The following NPIPB11 variants were observed in gnomAD, a reference collection of about 807,000 sequenced individuals.
NPIPB11 encodes nuclear pore complex interacting protein family member B11.
A neutral mutation model predicts 32.8 loss-of-function variants in NPIPB11; 17 were observed. The observed-to-expected ratio is 0.52, with a 90% CI of 0.35 to 0.78. NPIPB11 has a LOEUF of 0.78. NPIPB11 is among the 30% of genes least tolerant of loss of function. NPIPB11 has a pLI of 0.01. For synonymous variants in NPIPB11, 209 were observed against 398.4 expected, an observed-to-expected ratio of 0.52 and a Z score of 5.66; for missense variants, 537 against 1,000.4, an observed-to-expected ratio of 0.54 and a Z score of 6.25.
exon 8 of NPIPB11, chr16:29,383,556 T>A (rs1963551253): frequency 6.7e-7 from 1 of 1,490,526 alleles, no homozygotes. Context: ...CCGCAGACGC[T>A]CGGCAGGTGT....
chr16:29,391,325 ACGGTTAGATGGTAATTATCAT>A (rs1446080271), intron 3 of NPIPB11, among the ~76,000 whole-genome samples: 1 of 147,944 alleles, frequency 6.8e-6, no homozygotes, highest in Non-Finnish European at 1.5e-5. Flanking sequence ...ACACTTCAAC[ACGGTTAGATGGTAATTATCAT>A]CTTATAAGTA....
At chr16:29,394,806 T>C (rs1444878339) in intron 2 of NPIPB11, among the ~76,000 whole-genome samples, 22 of 150,908 alleles carry the variant, frequency 1.5e-4, no homozygotes, top group East Asian at 7.9e-4. Context: ...AGTGCAGTGG[T>C]GTGCTCTCGG....
intron 2 of NPIPB11, among the ~76,000 whole-genome samples, chr16:29,397,040 C>A (rs1343077582): frequency 7.3e-5 from 11 of 151,416 alleles, no homozygotes; most frequent in Non-Finnish European, 1.6e-4. Context: ...AAAAATTAGC[C>A]AGGCGTTGTA....
chr16:29,389,904 G>T (rs1257842123), intron 5 of NPIPB11, 37 bp downstream of exon 5: 9 of 1,581,298 alleles, frequency 5.7e-6, no homozygotes, highest in African/African-American at 2.7e-5. Context: ...TTGGCACATG[G>T]TTCCTACAAC....
At chr16:29,401,295 C>G (rs917515002) in intron 2 of NPIPB11, among the ~76,000 whole-genome samples, 2 of 152,144 alleles carry the variant, frequency 1.3e-5, no homozygotes, top group Non-Finnish European at 2.9e-5. Context: ...TCCAGATCAA[C>G]TCTCTCAATG....
At chr16:29,401,371 C>G (rs993340816) in intron 2 of NPIPB11, among the ~76,000 whole-genome samples, 7 of 152,144 alleles carry the variant, frequency 4.6e-5, no homozygotes, top group Middle Eastern at 3.2e-3. Flanking sequence ...CTCAATGTCA[C>G]TCAGTTGATT....
intron 2 of NPIPB11, among the ~76,000 whole-genome samples, chr16:29,401,295 C>T (rs917515002): frequency 2.6e-5 from 4 of 152,144 alleles, no homozygotes; most frequent in African/African-American, 9.7e-5. Flanking sequence ...TCCAGATCAA[C>T]TCTCTCAATG....
chr16:29,402,417 AT>A (rs375466516), intron 2 of NPIPB11, among the ~76,000 whole-genome samples: 9,369 of 111,544 alleles, frequency 0.084, 435 homozygotes, highest in East Asian at 0.27. Flanking sequence ...AAATAATTTT[AT>A]CTTGGACCGG....
intron 5 of NPIPB11, among the ~76,000 whole-genome samples, chr16:29,389,028 C>G (rs1260501161): frequency 6.7e-6 from 1 of 150,146 alleles, no homozygotes; most frequent in Non-Finnish European, 1.5e-5. Flanking sequence ...AACCCCGCCT[C>G]TACTAAAAAT....
intron 3 of NPIPB11, among the ~76,000 whole-genome samples, 165 bp downstream of exon 3, chr16:29,393,783 G>A (rs983458799): frequency 5.9e-5 from 9 of 152,098 alleles, no homozygotes; most frequent in East Asian, 5.8e-4. Flanking sequence ...TTTTCATAAC[G>A]CAAATGGCAG....
At position 29,391,622 on chromosome 16, in the gene NPIPB11, C is replaced by T. The variant is rs544857627; in HGVS notation, c.250-1274G>A. Among the ~76,000 whole-genome samples the T allele has an allele frequency of 3.1e-4, 47 of 152,116 alleles. 1 individual carries two copies. The South Asian group carries it at 9.1e-3, about 30-fold the overall frequency. On this transcript the variant is annotated intron_variant, in intron 3 of 7. Transcript: ENST00000524087. ...CATATTATCACAGTATGCTTTTAAT[C>T]TTCTAAGACATTAAATATTTCTTCT...
chr16:29,401,259 G>T (rs968741840), intron 2 of NPIPB11, among the ~76,000 whole-genome samples: 2 of 152,060 alleles, frequency 1.3e-5, no homozygotes, highest in African/African-American at 2.4e-5. Flanking sequence ...GAACTAAAAT[G>T]TTGGAATTTT....
chr16:29,399,942 TG>T (rs893536685), intron 2 of NPIPB11, among the ~76,000 whole-genome samples: 1 of 150,838 alleles, frequency 6.6e-6, no homozygotes, highest in Admixed American at 6.6e-5. Context: ...CCAGGCACGG[TG>T]GCACCCGCCT....
At chr16:29,400,265 A>C (rs1452990183) in intron 2 of NPIPB11, among the ~76,000 whole-genome samples, 1 of 149,858 alleles carries the variant, frequency 6.7e-6, no homozygotes, top group Non-Finnish European at 1.5e-5. Flanking sequence ...ATGTGAGCAG[A>C]GTTTGGGGTC....
At position 29,389,935 on chromosome 16, in the gene NPIPB11, T is replaced by A. The variant is rs755121321; in HGVS notation, c.545+6A>T. 1 of 1,590,486 alleles carries A rather than the reference T, an allele frequency of 6.3e-7. No individual in the cohort carries two copies. The highest frequency in any genetic ancestry group is 1.4e-5 in the African/African-American group (1 of 74,054). The stretch of plus-strand genomic sequence containing the variant: ...ACAACAGTATTTGTGTCAAGGCACA[T>A]CTTACTGTTTTCTGGCGGTCTTCCT... On this transcript the variant is annotated splice_donor_region_variant and intron_variant, in intron 5 of 7. Coordinates refer to ENST00000524087, the Ensembl canonical transcript of NPIPB11.
chr16:29,397,577 C>T (rs562318580), intron 2 of NPIPB11: 4 of 1,521,612 alleles, frequency 2.6e-6, no homozygotes, highest in African/African-American at 2.8e-5. Flanking sequence ...CACGGATGCA[C>T]TGATGGCTGA....
intron 3 of NPIPB11, among the ~76,000 whole-genome samples, 158 bp from the exon 4 acceptor site, chr16:29,390,506 A>G (rs567707750): frequency 6.6e-6 from 1 of 151,960 alleles, no homozygotes; most frequent in East Asian, 1.9e-4. Context: ...TACAAAAATT[A>G]GCCGGGCATG....
chr16:29,392,406 G>C (rs1192761837), intron 3 of NPIPB11, among the ~76,000 whole-genome samples: 1 of 150,448 alleles, frequency 6.6e-6, no homozygotes, highest in East Asian at 2.0e-4. Context: ...TTGTTAAAAA[G>C]TGGTAAATTT....
chr16:29,394,098 T>G (rs1470731419), intron 2 of NPIPB11, 22 bp from the exon 3 acceptor site: 1 of 1,593,572 alleles, frequency 6.3e-7, no homozygotes, highest in East Asian at 2.2e-5. Context: ...ATAGTTGAAA[T>G]AATGAAAAGG....
Sources: allele counts gnomAD v4.1 joint callset (sites outside exome capture counted in the v4.1 genomes callset), GRCh38; gene constraint gnomAD v4.1.1; transcripts MANE v1.5; gene names NCBI Gene and HGNC (gene_info 2026-07-23, HGNC 2026-07-21).